TMPRSS15: variants seen among roughly 807,000 people sequenced by gnomAD.
TMPRSS15 encodes the protein transmembrane serine protease 15, also known as enteropeptidase.
TMPRSS15 carries 128 observed loss-of-function variants against 125.3 expected under a neutral mutation model. The ratio of observed to expected loss-of-function variants is 1.02; its 90% CI spans 0.89 to 1.18. The LOEUF is 1.18. Ranked by LOEUF, TMPRSS15 falls within the 50% of genes most tolerant of loss-of-function variation. TMPRSS15 has a pLI of 0.00. For synonymous variants in TMPRSS15, 446 were observed against 423.2 expected, an observed-to-expected ratio of 1.05 and a Z score of -0.66; for missense variants, 1,283 against 1,212.7, an observed-to-expected ratio of 1.06 and a Z score of -0.86.
chr21:18,270,383 A>G (rs887418470), intron 24 of TMPRSS15, among the ~76,000 whole-genome samples: 1 of 151,930 alleles, frequency 6.6e-6, no homozygotes, highest in Non-Finnish European at 1.5e-5. Flanking sequence ...CTCCACTTTA[A>G]TTAGGCATTT....
chr21:18,292,275 G>A (rs911384536), intron 21 of TMPRSS15, among the ~76,000 whole-genome samples: 6 of 152,128 alleles, frequency 3.9e-5, no homozygotes, highest in African/African-American at 9.7e-5. Context: ...AAGACAGGGC[G>A]TTCCTTCTCT....
At chr21:18,455,488 A>AAAT (rs1307103200) in intron 1 of TMPRSS15, among the ~76,000 whole-genome samples, 1 of 152,226 alleles carries the variant, frequency 6.6e-6, no homozygotes, top group Admixed American at 6.5e-5. Flanking sequence ...TAGGCTGATG[A>AAAT]AGTTAGGACC....
chr21:18,365,235 A>G lies in TMPRSS15; in HGVS notation c.678T>C (p.Asp226=), dbSNP rs757113081. Residue 226 remains aspartate (D), a synonymous_variant, in exon 7 of 25, where the codon GAT becomes GAC. Coordinates refer to ENST00000284885, the MANE Select transcript of TMPRSS15 (RefSeq NM_002772.3). ...EDNKMCATVC[D]GRFLLTGSSG... ...ATGATCCAGTTAACAAAAATCTTCCATCACAAACTGTGGCTGCAAAACGAT... is the reference window on the plus strand; with the variant it reads ...ATGATCCAGTTAACAAAAATCTTCCGTCACAAACTGTGGCTGCAAAACGAT... 3 of 1,613,962 alleles carry G rather than the reference A, an allele frequency of 1.9e-6. No homozygotes were observed. Among genetic ancestry groups the G allele is most frequent in the African/African-American group, 1.3e-5 (1 of 74,932 alleles).
chr21:18,479,916 C>A (rs1231294960), intron 1 of TMPRSS15, among the ~76,000 whole-genome samples: 1 of 152,034 alleles, frequency 6.6e-6, no homozygotes, highest in African/African-American at 2.4e-5. Context: ...ATAAATCATT[C>A]TACTACAAAG....
intron 18 of TMPRSS15, among the ~76,000 whole-genome samples, chr21:18,306,125 AT>A (rs372493426): frequency 1.0e-4 from 15 of 149,738 alleles, no homozygotes; most frequent in South Asian, 4.2e-4. Flanking sequence ...CAAAGGTTAC[AT>A]TTTTTTTTTA....
At chr21:18,289,839 G>A (rs1279723731) in intron 21 of TMPRSS15, among the ~76,000 whole-genome samples, 1 of 152,216 alleles carries the variant, frequency 6.6e-6, no homozygotes, top group Non-Finnish European at 1.5e-5. Flanking sequence ...TGAGTGACTA[G>A]AAAGAGGTAA....
At chr21:18,346,507 T>C (rs1164641794) in intron 10 of TMPRSS15, among the ~76,000 whole-genome samples, 3 of 152,246 alleles carry the variant, frequency 2.0e-5, no homozygotes, top group African/African-American at 7.2e-5. Flanking sequence ...CTCCTAAGTC[T>C]TCTCAAGATT....
chr21:18,346,351 C>T (rs371314045), intron 10 of TMPRSS15, among the ~76,000 whole-genome samples: 4 of 152,118 alleles, frequency 2.6e-5, no homozygotes, highest in African/African-American at 9.7e-5. Context: ...GCATCCCATT[C>T]CGTTTCAACA....
At chr21:18,402,334 TC>T (rs1414751036) in intron 1 of TMPRSS15, among the ~76,000 whole-genome samples, 1 of 151,866 alleles carries the variant, frequency 6.6e-6, no homozygotes, top group Non-Finnish European at 1.5e-5. Context: ...ACTGAGACCA[TC>T]CTGGCCAACA....
At chr21:18,337,176 G>A (rs886902907) in intron 13 of TMPRSS15, among the ~76,000 whole-genome samples, 2 of 152,288 alleles carry the variant, frequency 1.3e-5, no homozygotes, top group African/African-American at 4.8e-5. Context: ...TTACAGGTGT[G>A]AGGTACTGCA....
At chr21:18,423,286 G>T (rs1355299185) in intron 1 of TMPRSS15, among the ~76,000 whole-genome samples, 1 of 152,044 alleles carries the variant, frequency 6.6e-6, no homozygotes, top group Admixed American at 6.6e-5. Context: ...TATAGATTTC[G>T]CTGTCTCTTG....
intron 1 of TMPRSS15, among the ~76,000 whole-genome samples, chr21:18,423,773 A>G (rs2076197284): frequency 6.6e-6 from 1 of 152,096 alleles, no homozygotes; most frequent in Non-Finnish European, 1.5e-5. Context: ...TGATACACTC[A>G]ATTCATATGC....
At chr21:18,439,996 G>C (rs1006581093) in intron 1 of TMPRSS15, among the ~76,000 whole-genome samples, 1 of 152,134 alleles carries the variant, frequency 6.6e-6, no homozygotes, top group South Asian at 2.1e-4. Context: ...TAATTACACA[G>C]TACCATGGGA....
rs2076209781 is a variant in TMPRSS15 at position 18,428,774 on chromosome 21, C to T, written c.11-30445G>A. Among the ~76,000 whole-genome samples, 3 of 152,292 alleles carry T rather than the reference C, an allele frequency of 2.0e-5. No homozygotes were observed. In the South Asian group the frequency reaches 6.2e-4, roughly 32 times the overall value. On this transcript the variant is annotated intron_variant, in intron 1 of 7. Coordinates refer to the TMPRSS15 transcript ENST00000422787. ...CAGAAGTTTGCTGCAGGGTGGGGCG[C>T]TCATGGAGAACCTCTGCTAGGGCAG...
At chr21:18,404,943 A>C (rs1431422571), upstream of TMPRSS15, among the ~76,000 whole-genome samples, 3 of 152,076 alleles carry the variant, frequency 2.0e-5, no homozygotes, top group Admixed American at 2.0e-4. Flanking sequence ...GAAATCAGAG[A>C]CACCACTTAT....
chr21:18,436,120 T>C (rs56363530), intron 1 of TMPRSS15, among the ~76,000 whole-genome samples: 6,367 of 151,546 alleles, frequency 0.042, 183 homozygotes, highest in Non-Finnish European at 0.061. Flanking sequence ...GTTTTTTGTG[T>C]CTCTATTTCC....
chr21:18,375,465 T>C (rs2075832924), intron 5 of TMPRSS15, among the ~76,000 whole-genome samples: 1 of 152,158 alleles, frequency 6.6e-6, no homozygotes, highest in South Asian at 2.1e-4. Flanking sequence ...CTGTACCAAA[T>C]TGTGTTCCCA....
chr21:18,467,950 A>T (rs1978700164), intron 1 of TMPRSS15, among the ~76,000 whole-genome samples: 1 of 152,100 alleles, frequency 6.6e-6, no homozygotes, highest in Non-Finnish European at 1.5e-5. Context: ...AACAGAAGAG[A>T]AAAAGAAAGA....
At chr21:18,442,739 C>A (rs559852161) in intron 1 of TMPRSS15, among the ~76,000 whole-genome samples, 1 of 152,266 alleles carries the variant, frequency 6.6e-6, no homozygotes, top group South Asian at 2.1e-4. Context: ...ATGGTAATTT[C>A]TCCCAAGCTT....
Sources: allele counts gnomAD v4.1 joint callset (sites outside exome capture counted in the v4.1 genomes callset), GRCh38; gene constraint gnomAD v4.1.1; transcripts MANE v1.5; gene names NCBI Gene and HGNC (gene_info 2026-07-23, HGNC 2026-07-21).